Variants in SGCZ observed in about 807,000 individuals in gnomAD.
SGCZ encodes sarcoglycan zeta, also known as zeta-sarcoglycan.
Under a neutral mutation model 41.3 loss-of-function variants are expected in SGCZ, and 40 were observed. The ratio of observed to expected loss-of-function variants is 0.97; its 90% CI spans 0.75 to 1.26. The LOEUF (loss-of-function observed/expected upper bound fraction) is 1.26. Among genes scored for constraint, SGCZ ranks in the 50% most tolerant of loss-of-function variants. The pLI is 0.00. For missense variants in SGCZ, 552 were observed against 369.8 expected (o/e 1.49, Z -4.04); for synonymous variants, 206 against 137.5 (o/e 1.50, Z -3.49).
chr8:15,057,377 C>T (rs990481348), intron 1 of SGCZ, among the ~76,000 whole-genome samples: 1 of 152,130 alleles, frequency 6.6e-6, no homozygotes, highest in East Asian at 1.9e-4. Flanking sequence ...GTCATTGAAA[C>T]ACACAAACAC....
intron 1 of SGCZ, among the ~76,000 whole-genome samples, chr8:15,208,389 CT>C (rs1801137023): frequency 6.6e-6 from 1 of 152,172 alleles, no homozygotes; most frequent in African/African-American, 2.4e-5. Flanking sequence ...GTTCTAATGA[CT>C]CTTTTATATT....
intron 1 of SGCZ, among the ~76,000 whole-genome samples, chr8:14,662,584 C>A (rs190973752): frequency 1.3e-5 from 2 of 152,132 alleles, no homozygotes; most frequent in Non-Finnish European, 2.9e-5. Context: ...GTTGTTTAAC[C>A]TGACTGGGTC....
intron 3 of SGCZ, among the ~76,000 whole-genome samples, chr8:14,271,352 G>T (rs1263412472): frequency 9.2e-5 from 14 of 152,054 alleles, no homozygotes; most frequent in Non-Finnish European, 1.8e-4. Context: ...TTTTGTTTTT[G>T]ATTGATTCAT....
chr8:14,876,827 C>T (rs534695410), intron 1 of SGCZ, among the ~76,000 whole-genome samples: 1 of 152,280 alleles, frequency 6.6e-6, no homozygotes, highest in Non-Finnish European at 1.5e-5. Flanking sequence ...AGATGACATT[C>T]ACTAAGTTCT....
chr8:14,794,301 A>G (rs1801051791), intron 1 of SGCZ, among the ~76,000 whole-genome samples: 2 of 152,206 alleles, frequency 1.3e-5, no homozygotes, highest in South Asian at 2.1e-4. Flanking sequence ...CAGGAAAAAG[A>G]ACATTTCTTT....
In SGCZ at chr8:14,926,644, G is replaced by GT. The variant is rs200341502; in HGVS notation, c.39+310940dup. Among the ~76,000 whole-genome samples, 304 of 150,678 alleles carry GT rather than the reference G, an allele frequency of 2.0e-3. 1 individual carries two copies. Among genetic ancestry groups the GT allele is most frequent in the Middle Eastern group, 6.8e-3 (2 of 294 alleles). ...TTTGTTTTGTTTTTCCGTGTGTGTGGTTTTTTTTTGTTTTTTTGAGACAGT... is the reference window on the plus strand; with the variant it reads ...TTTGTTTTGTTTTTCCGTGTGTGTGGTTTTTTTTTTGTTTTTTTGAGACAGT... On this transcript the variant is annotated intron_variant, in intron 1 of 7. Coordinates refer to ENST00000382080, the MANE Select transcript of SGCZ (RefSeq NM_139167.4).
At position 14,816,962 on chromosome 8, in the gene SGCZ, C is replaced by A. The variant is rs569084313; in HGVS notation, c.40-262036G>T. Among the ~76,000 whole-genome samples, 3 of 152,304 alleles carry A rather than the reference C, an allele frequency of 2.0e-5. No individual in the cohort carries two copies. In the South Asian group the frequency reaches 6.2e-4, roughly 32 times the overall value. ...ACTTTTTAATTAGACTGTGTCTAAG[C>A]TCACAATTGATACCAGAGTTTCATT... On this transcript the variant is annotated intron_variant, in intron 1 of 7. Transcript: ENST00000382080.
chr8:14,631,347 G>T (rs1045097590), intron 1 of SGCZ, among the ~76,000 whole-genome samples: 1 of 151,946 alleles, frequency 6.6e-6, no homozygotes, highest in East Asian at 1.9e-4. Context: ...AATTAGTGAC[G>T]TGCTAGAGTT....
rs541850012 is a variant in SGCZ, at chr8:15,107,041, C to T, written c.39+130544G>A. 7.9e-5 allele frequency among the ~76,000 whole-genome samples: 12 copies of T among 152,220 alleles called. No homozygotes were observed. The East Asian group carries it at 2.1e-3, about 27-fold the overall frequency. Reference sequence around the variant, plus strand: ...CTACTGCTGATCTAAATCTGCATTCCTTACATGAGCCCCTCTTCATTATAT... The same window carrying T: ...CTACTGCTGATCTAAATCTGCATTCTTTACATGAGCCCCTCTTCATTATAT... On this transcript the variant is annotated intron_variant, in intron 1 of 7. Coordinates refer to ENST00000382080, the MANE Select transcript of SGCZ (RefSeq NM_139167.4).
At chr8:14,124,631 T>G (rs954033690) in intron 5 of SGCZ, among the ~76,000 whole-genome samples, 6 of 152,374 alleles carry the variant, frequency 3.9e-5, no homozygotes, top group African/African-American at 1.2e-4. Context: ...GTTAGGCATA[T>G]CTTAAGTTTC....
intron 1 of SGCZ, among the ~76,000 whole-genome samples, chr8:15,075,766 T>A (rs1805507248): frequency 6.6e-6 from 1 of 152,216 alleles, no homozygotes; most frequent in African/African-American, 2.4e-5. Flanking sequence ...CAAATCCTTC[T>A]AATTTTTCAC....
At chr8:14,537,799 A>T (rs2117142126) in intron 2 of SGCZ, among the ~76,000 whole-genome samples, 1 of 152,022 alleles carries the variant, frequency 6.6e-6, no homozygotes, top group East Asian at 1.9e-4. Flanking sequence ...AACGCTAAAG[A>T]GCTGTTATAC....
intron 1 of SGCZ, among the ~76,000 whole-genome samples, chr8:14,843,089 G>T (rs550085855): frequency 6.6e-6 from 1 of 152,282 alleles, no homozygotes; most frequent in East Asian, 1.9e-4. Context: ...GCATGCACCT[G>T]TAATCCCAGC....
chr8:14,838,372 T>C (rs1269443749), intron 1 of SGCZ, among the ~76,000 whole-genome samples: 3 of 152,190 alleles, frequency 2.0e-5, no homozygotes, highest in East Asian at 1.9e-4. Flanking sequence ...TTCTCAGAGA[T>C]AGCAGAAGAC....
chr8:14,354,599 G>C (rs939092674), intron 2 of SGCZ, among the ~76,000 whole-genome samples: 1 of 151,520 alleles, frequency 6.6e-6, no homozygotes, highest in African/African-American at 2.4e-5. Context: ...GAGTAAACTA[G>C]AGAGTTTACA....
intron 2 of SGCZ, among the ~76,000 whole-genome samples, chr8:14,528,357 T>C (rs1016018016): frequency 1.3e-5 from 2 of 152,106 alleles, no homozygotes; most frequent in Non-Finnish European, 1.5e-5. Context: ...AGTAACTGTG[T>C]CATGTCAAGA....
Position 15,194,401 on chromosome 8 carries a change from G to C in SGCZ, c.39+43184C>G, listed in dbSNP as rs75316373. On this transcript the variant is annotated intron_variant, in intron 1 of 7. Transcript: ENST00000382080. ...ACATTGTTCTATAACTTGTGTGGTA[G>C]GTACAATAATATTCCCCCATACACA... Among the ~76,000 whole-genome samples the C allele has an allele frequency of 5.6e-3, 845 of 152,230 alleles. 36 individuals carry two copies. In the East Asian group the frequency reaches 0.1, roughly 18 times the overall value.
At chr8:14,233,415 G>A (rs1358236524) in intron 4 of SGCZ, among the ~76,000 whole-genome samples, 1 of 151,268 alleles carries the variant, frequency 6.6e-6, no homozygotes, top group Non-Finnish European at 1.5e-5. Flanking sequence ...AAATATCAAT[G>A]TAATGTTATT....
intron 5 of SGCZ, among the ~76,000 whole-genome samples, chr8:14,113,565 G>T (rs143107545): frequency 1.3e-5 from 2 of 151,954 alleles, no homozygotes; most frequent in East Asian, 3.9e-4. Context: ...TTTAATTCTA[G>T]TTTGATTAAT....
Sources: allele counts gnomAD v4.1 joint callset (sites outside exome capture counted in the v4.1 genomes callset), GRCh38; gene constraint gnomAD v4.1.1; transcripts MANE v1.5; gene names NCBI Gene and HGNC (gene_info 2026-07-23, HGNC 2026-07-21).